IL1RAPL1: variants seen among roughly 807,000 people sequenced by gnomAD.
IL1RAPL1 encodes the protein interleukin 1 receptor accessory protein like 1, also known as interleukin-1 receptor accessory protein-like 1.
A neutral mutation model predicts 48.4 loss-of-function variants in IL1RAPL1; 3 were observed. The ratio of observed to expected loss-of-function variants is 0.06; its 90% CI spans 0.03 to 0.16. The LOEUF (loss-of-function observed/expected upper bound fraction) is 0.16, where lower values mean the gene tolerates loss of function less well. Among genes scored for constraint, IL1RAPL1 ranks in the 10% least tolerant of loss-of-function variants. The pLI is 1.00. For missense variants in IL1RAPL1, 349 were observed against 530.6 expected (o/e 0.66, Z 3.36); for synonymous variants, 185 against 187.7 (o/e 0.99, Z 0.12).
intron 2 of IL1RAPL1, among the ~76,000 whole-genome samples, chrX:29,114,371 A>T (rs2147472544): frequency 8.9e-6 from 1 of 111,930 alleles, no homozygotes; most frequent in South Asian, 3.6e-4. Flanking sequence ...AATGTGTTTG[A>T]TTTATTTTAG....
intron 6 of IL1RAPL1, among the ~76,000 whole-genome samples, chrX:29,783,403 A>G (rs1212344325): frequency 9.0e-6 from 1 of 111,130 alleles, no homozygotes; most frequent in Non-Finnish European, 1.9e-5. Flanking sequence ...GGAATTGGCC[A>G]GCGGGAGAGG....
intron 3 of IL1RAPL1, among the ~76,000 whole-genome samples, chrX:29,381,303 T>G (rs190728773): frequency 9.4e-6 from 1 of 106,812 alleles, no homozygotes; most frequent in Admixed American, 1.0e-4. Context: ...GACATAAGCT[T>G]TCATGGAGAT....
chrX:29,884,799 A>G (rs1233808027), intron 6 of IL1RAPL1, among the ~76,000 whole-genome samples: 1 of 111,571 alleles, frequency 9.0e-6, no homozygotes, highest in East Asian at 2.8e-4. Context: ...TGCTGAGGCC[A>G]GAATCTTAGA....
chrX:29,654,488 A>G (rs1925612016), intron 5 of IL1RAPL1, among the ~76,000 whole-genome samples: 1 of 112,238 alleles, frequency 8.9e-6, no homozygotes. Context: ...GGAGAAGCAA[A>G]GTAACATCTT....
chrX:29,836,096 G>T (rs1159365844), intron 6 of IL1RAPL1, among the ~76,000 whole-genome samples: 1 of 105,457 alleles, frequency 9.5e-6, no homozygotes, highest in African/African-American at 3.5e-5. Context: ...TTAGGTTGTT[G>T]TTCTTTTTCA....
At chrX:29,496,363 A>G (rs1013186668) in intron 5 of IL1RAPL1, among the ~76,000 whole-genome samples, 1 of 110,544 alleles carries the variant, frequency 9.0e-6, no homozygotes, top group African/African-American at 3.3e-5. Context: ...GATCGTGGAG[A>G]CAGATCCCTC....
At chrX:29,263,959 T>C (rs762840756) in intron 2 of IL1RAPL1, among the ~76,000 whole-genome samples, 40 of 108,675 alleles carry the variant, frequency 3.7e-4, no homozygotes, top group Non-Finnish European at 9.5e-5. Context: ...ATAGTCTAGC[T>C]CTCCAATTAG....
intron 3 of IL1RAPL1, among the ~76,000 whole-genome samples, chrX:29,366,926 G>A (rs1933469621): frequency 9.0e-6 from 1 of 110,650 alleles, no homozygotes; most frequent in Non-Finnish European, 1.9e-5. Flanking sequence ...TAACATTTTT[G>A]AGTAATTTTA....
At chrX:29,060,861 A>G (rs999574834) in intron 2 of IL1RAPL1, among the ~76,000 whole-genome samples, 3 of 112,214 alleles carry the variant, frequency 2.7e-5, no homozygotes, top group East Asian at 2.8e-4. Flanking sequence ...AATTATTTTG[A>G]TAGTAGTTAT....
intron 6 of IL1RAPL1, among the ~76,000 whole-genome samples, chrX:29,709,192 G>C (rs1259041105): frequency 1.8e-5 from 2 of 111,485 alleles, no homozygotes; most frequent in Non-Finnish European, 3.8e-5. Flanking sequence ...TGCTTTTGTA[G>C]TCCTATCCAA....
rs371545593 is a variant in IL1RAPL1 at position 29,732,016 on chromosome X, G to A, written c.778+63512G>A. ...GAACCACAAAAAGAAGATATATATA[G>A]TATTGACTTCTGAGGCCAGGGAATT... On this transcript the variant is annotated intron_variant, in intron 6 of 10. Transcript: ENST00000378993. Among the ~76,000 whole-genome samples the A allele has an allele frequency of 7.7e-4, 86 of 111,965 alleles. No homozygotes were observed. The South Asian group carries it at 0.029, about 38-fold the overall frequency.
chrX:29,855,314 A>T (rs779181428), intron 6 of IL1RAPL1, among the ~76,000 whole-genome samples: 1 of 112,452 alleles, frequency 8.9e-6, no homozygotes, highest in East Asian at 2.8e-4. Flanking sequence ...GTATGTGCAT[A>T]AACACAAGTA....
Position 28,953,564 on chromosome X carries a change from A to T in IL1RAPL1, c.82+164139A>T, listed in dbSNP as rs114475048. Among the ~76,000 whole-genome samples, 942 of 111,539 alleles carry T rather than the reference A, an allele frequency of 8.4e-3. 12 individuals carry two copies. Among genetic ancestry groups the T allele is most frequent in the African/African-American group, 0.029 (902 of 30,806 alleles). On this transcript the variant is annotated intron_variant, in intron 2 of 10. Coordinates refer to ENST00000378993, the MANE Select transcript of IL1RAPL1 (RefSeq NM_014271.4). The stretch of plus-strand genomic sequence containing the variant: ...CTTTATAAAAATACATACATTACAA[A>T]GTAATAATACGTAGAGGAGGGAATT...
chrX:29,375,569 C>T (rs1054125522), intron 3 of IL1RAPL1, among the ~76,000 whole-genome samples: 16 of 111,504 alleles, frequency 1.4e-4, no homozygotes, highest in African/African-American at 4.9e-4. Flanking sequence ...TAATGCAGAG[C>T]TCATGCAGAC....
intron 5 of IL1RAPL1, among the ~76,000 whole-genome samples, chrX:29,571,985 G>A (rs1407479147): frequency 8.9e-6 from 1 of 111,998 alleles, no homozygotes; most frequent in Non-Finnish European, 1.9e-5. Flanking sequence ...GGTCCTCCCA[G>A]GGTCTTTTAT....
intron 3 of IL1RAPL1, among the ~76,000 whole-genome samples, chrX:29,330,043 T>C (rs377293898): frequency 1.8e-5 from 2 of 110,625 alleles, no homozygotes; most frequent in Non-Finnish European, 3.8e-5. Context: ...TGACTGGTAA[T>C]AGGTAAGAGG....
intron 2 of IL1RAPL1, among the ~76,000 whole-genome samples, chrX:28,912,681 T>C (rs1436201480): frequency 9.0e-6 from 1 of 111,169 alleles, no homozygotes; most frequent in East Asian, 2.8e-4. Context: ...TGCAGTGATA[T>C]TGATGTTGGA....
intron 5 of IL1RAPL1, among the ~76,000 whole-genome samples, chrX:29,597,549 C>G (rs1265704605): frequency 8.9e-6 from 1 of 112,059 alleles, no homozygotes; most frequent in Non-Finnish European, 1.9e-5. Context: ...TAGGGTGATA[C>G]TGACTTCATA....
rs1056221530 is a variant in IL1RAPL1 at position 29,007,579 on chromosome X, C to T, written c.82+218154C>T. Among the ~76,000 whole-genome samples the T allele has an allele frequency of 3.6e-5, 4 of 111,520 alleles. No individual in the cohort carries two copies. In the East Asian group the frequency reaches 1.1e-3, roughly 31 times the overall value. On this transcript the variant is annotated intron_variant, in intron 2 of 10. Transcript: ENST00000378993. The stretch of plus-strand genomic sequence containing the variant: ...ATGAGTTCAGTTTTTTGGAAATTGG[C>T]CAGAATCATAAAGTAATCTGGAGAG...
Sources: allele counts gnomAD v4.1 joint callset (sites outside exome capture counted in the v4.1 genomes callset), GRCh38; gene constraint gnomAD v4.1.1; transcripts MANE v1.5; gene names NCBI Gene and HGNC (gene_info 2026-07-23, HGNC 2026-07-21).